The following ERBB4 variants were observed in gnomAD, a reference collection of about 807,000 sequenced individuals.
ERBB4 encodes the protein receptor tyrosine-protein kinase erbB-4.
In ERBB4, 42 loss-of-function variants were observed where a neutral mutation model predicts 158.0. The observed-to-expected ratio is 0.27, with a 90% CI of 0.21 to 0.34. The LOEUF is 0.34. Among genes scored for constraint, ERBB4 ranks in the 10% least tolerant of loss-of-function variants. ERBB4 has a pLI of 1.00. For synonymous variants in ERBB4, 583 were observed against 558.7 expected (o/e 1.04, Z -0.61); for missense variants, 1,333 against 1,624.1 (o/e 0.82, Z 3.08).
chr2:211,928,037 T>G (rs1183492660), intron 3 of ERBB4, among the ~76,000 whole-genome samples: 5 of 152,040 alleles, frequency 3.3e-5, no homozygotes, highest in Admixed American at 1.3e-4. Context: ...ATATTTTCCA[T>G]CCTCCTGAAA....
intron 18 of ERBB4, among the ~76,000 whole-genome samples, chr2:211,621,107 C>T (rs1443306123): frequency 6.6e-6 from 1 of 151,758 alleles, no homozygotes; most frequent in Non-Finnish European, 1.5e-5. Context: ...AGAGCAAGAC[C>T]CTGTCTCAAG....
At chr2:212,076,181 C>G (rs1335684138) in intron 2 of ERBB4, among the ~76,000 whole-genome samples, 2 of 151,708 alleles carry the variant, frequency 1.3e-5, no homozygotes, top group African/African-American at 4.8e-5. Context: ...ACTGTATTAA[C>G]CTAATTCAAA....
intron 3 of ERBB4, among the ~76,000 whole-genome samples, chr2:211,917,095 C>T (rs919818477): frequency 6.6e-6 from 1 of 152,120 alleles, no homozygotes; most frequent in African/African-American, 2.4e-5. Context: ...AAGCCAAGAT[C>T]CTCTGCAAAT....
At chr2:212,045,707 G>C (rs1016555558) in intron 2 of ERBB4, among the ~76,000 whole-genome samples, 1 of 152,092 alleles carries the variant, frequency 6.6e-6, no homozygotes, top group East Asian at 1.9e-4. Context: ...ACCTGAAAAG[G>C]CTTCTTTCTC....
chr2:212,169,602 C>A (rs1393382968), intron 1 of ERBB4, among the ~76,000 whole-genome samples: 2 of 152,102 alleles, frequency 1.3e-5, no homozygotes, highest in Non-Finnish European at 2.9e-5. Context: ...TAGATGCAGG[C>A]AAAGATTTCA....
At chr2:211,640,774 A>G (rs2070550687) in intron 16 of ERBB4, among the ~76,000 whole-genome samples, 1 of 152,190 alleles carries the variant, frequency 6.6e-6, no homozygotes, top group Non-Finnish European at 1.5e-5. Flanking sequence ...TAATAGTGAA[A>G]GACAGATTAG....
intron 1 of ERBB4, among the ~76,000 whole-genome samples, chr2:212,255,884 G>A (rs2084712248): frequency 6.6e-6 from 1 of 152,050 alleles, no homozygotes; most frequent in Admixed American, 6.6e-5. Context: ...GCAGTGGCAT[G>A]ATCATAGTTC....
intron 2 of ERBB4, among the ~76,000 whole-genome samples, chr2:212,011,886 G>C (rs139649188): frequency 6.6e-6 from 1 of 152,076 alleles, no homozygotes; most frequent in Non-Finnish European, 1.5e-5. Context: ...ACTTCATTAG[G>C]GGTTGCAAAG....
chr2:212,193,750 CTTACT>C (rs990121550), intron 1 of ERBB4, among the ~76,000 whole-genome samples: 3 of 151,976 alleles, frequency 2.0e-5, no homozygotes, highest in African/African-American at 7.2e-5. Flanking sequence ...TAATGGATAT[CTTACT>C]TTAATCTATC....
chr2:212,443,685 C>G (rs2092297882), intron 1 of ERBB4, among the ~76,000 whole-genome samples: 1 of 152,208 alleles, frequency 6.6e-6, no homozygotes, highest in Non-Finnish European at 1.5e-5. Flanking sequence ...CACTTGGGCC[C>G]TGTGACCCAG....
At chr2:212,162,576 G>T (rs1020839628) in intron 1 of ERBB4, among the ~76,000 whole-genome samples, 13 of 151,790 alleles carry the variant, frequency 8.6e-5, no homozygotes, top group African/African-American at 3.1e-4. Flanking sequence ...TACGTCAAAA[G>T]AAAATGCTGT....
intron 4 of ERBB4, among the ~76,000 whole-genome samples, chr2:211,773,868 T>G (rs1222380826): frequency 6.6e-6 from 1 of 151,442 alleles, no homozygotes; most frequent in Non-Finnish European, 1.5e-5. Flanking sequence ...AACAAACGAA[T>G]CTTCAATAGT....
rs984908043 is a variant in ERBB4, at chr2:211,922,819, T to A, written c.421+24611A>T. Among the ~76,000 whole-genome samples the A allele has an allele frequency of 4.6e-5, 7 of 152,004 alleles. 1 individual carries two copies. Among genetic ancestry groups the A allele is most frequent in the Non-Finnish European group, 7.4e-5 (5 of 67,974 alleles). ...AAGACTTTGAAGCAAGGGGAGTCAGTCATATGAAAGTTAGTAGGAAAGTAT... is the reference window on the plus strand; with the variant it reads ...AAGACTTTGAAGCAAGGGGAGTCAGACATATGAAAGTTAGTAGGAAAGTAT... On this transcript the variant is annotated intron_variant, in intron 3 of 27. Coordinates refer to ENST00000342788, the MANE Select transcript of ERBB4 (RefSeq NM_005235.3).
intron 2 of ERBB4, among the ~76,000 whole-genome samples, chr2:211,963,472 T>C (rs537750742): frequency 2.0e-5 from 3 of 152,282 alleles, no homozygotes; most frequent in South Asian, 4.1e-4. Flanking sequence ...AAAATATGTA[T>C]ACATTATGAG....
chr2:212,407,077 C>A (rs1479782264), intron 1 of ERBB4, among the ~76,000 whole-genome samples: 1 of 151,868 alleles, frequency 6.6e-6, no homozygotes, highest in East Asian at 1.9e-4. Context: ...TGTTAGGTAT[C>A]TCTTCCCCTT....
At chr2:211,664,594 T>A (rs1334626120) in intron 15 of ERBB4, among the ~76,000 whole-genome samples, 1 of 152,234 alleles carries the variant, frequency 6.6e-6, no homozygotes, top group Admixed American at 6.5e-5. Context: ...TCTTTTACAG[T>A]TCAGTGCTTT....
chr2:212,536,592 G>T (rs1336442374), intron 1 of ERBB4, among the ~76,000 whole-genome samples: 2 of 152,202 alleles, frequency 1.3e-5, no homozygotes, highest in Non-Finnish European at 1.5e-5. Context: ...GAAACGAGAA[G>T]AGACGAAGCG....
At chr2:212,104,374 A>G (rs1333627933) in intron 2 of ERBB4, among the ~76,000 whole-genome samples, 1 of 152,092 alleles carries the variant, frequency 6.6e-6, no homozygotes, top group East Asian at 1.9e-4. Flanking sequence ...TAAGCAATAC[A>G]GTTTATCTGT....
intron 5 of ERBB4, among the ~76,000 whole-genome samples, chr2:211,726,761 T>C (rs1453354298): frequency 6.6e-6 from 1 of 152,184 alleles, no homozygotes; most frequent in Non-Finnish European, 1.5e-5. Flanking sequence ...GGCTTGAACC[T>C]GTAAGCCAAC....
Sources: gnomAD v4.1 joint callset for allele counts (sites outside exome capture counted in the v4.1 genomes callset) on GRCh38, gnomAD v4.1.1 for gene constraint, MANE v1.5 for transcripts, NCBI Gene and HGNC (gene_info 2026-07-23, HGNC 2026-07-21) for gene names.